Variants in FAM107B observed in about 807,000 individuals in gnomAD.
The protein encoded by FAM107B is family with sequence similarity 107 member B.
Under a neutral mutation model 31.5 loss-of-function variants are expected in FAM107B, and 21 were observed. That is an observed-to-expected ratio of 0.67 (90% CI 0.47 to 0.96). The LOEUF is 0.96. Among genes scored for constraint, FAM107B ranks in the 40% least tolerant of loss-of-function variants. The pLI is 0.00. For missense variants in FAM107B, 452 were observed against 377.1 expected, an observed-to-expected ratio of 1.20 and a Z score of -1.64; for synonymous variants, 157 against 141.5, an observed-to-expected ratio of 1.11 and a Z score of -0.78.
At chr10:14,694,231 T>C (rs2266374) in intron 1 of FAM107B, among the ~76,000 whole-genome samples, 124,185 of 152,180 alleles carry the variant, frequency 0.82, 50,933 homozygotes, top group African/African-American at 0.88. Flanking sequence ...TGGATATATG[T>C]CTAACAGAGG....
At chr10:14,583,086 CAAAAAAA>C (rs60205603) in intron 2 of FAM107B, among the ~76,000 whole-genome samples, 1 of 56,358 alleles carries the variant, frequency 1.8e-5, no homozygotes, top group African/African-American at 6.3e-5. Context: ...GACTCTGTCT[CAAAAAAA>C]AAAAAAAAAA....
At chr10:14,751,806 G>T (rs1166593948) in intron 1 of FAM107B, among the ~76,000 whole-genome samples, 1 of 152,132 alleles carries the variant, frequency 6.6e-6, no homozygotes, top group African/African-American at 2.4e-5. Flanking sequence ...GAAGTGCCAG[G>T]CTGCTGAGAG....
intron 2 of FAM107B, among the ~76,000 whole-genome samples, chr10:14,624,261 A>G (rs1381348274): frequency 6.6e-6 from 1 of 152,232 alleles, no homozygotes; most frequent in Non-Finnish European, 1.5e-5. Context: ...AGACGTGAGA[A>G]GTGTGGAAGC....
chr10:14,726,990 T>A (rs998644342), intron 1 of FAM107B, among the ~76,000 whole-genome samples: 1 of 151,772 alleles, frequency 6.6e-6, no homozygotes, highest in African/African-American at 2.4e-5. Context: ...ATGGTCCCAT[T>A]TGGGGGTGAT....
chr10:14,521,854 G>T lies in FAM107B; in HGVS notation c.804+15C>A, dbSNP rs1291300554. 2 of 1,607,382 alleles carry T rather than the reference G, an allele frequency of 1.2e-6. No homozygotes were observed. Among genetic ancestry groups the T allele is most frequent in the African/African-American group, 2.7e-5 (2 of 74,190 alleles). Reference sequence around the variant, plus strand: ...CAAAAACAAAAAAAGACAGCTTCCAGCCAATCCCCCTTACCTGCTCCAACT... The same window carrying T: ...CAAAAACAAAAAAAGACAGCTTCCATCCAATCCCCCTTACCTGCTCCAACT... On this transcript the variant is annotated intron_variant, in intron 4 of 4. Transcript: ENST00000181796.
intron 2 of FAM107B, among the ~76,000 whole-genome samples, chr10:14,535,132 A>T (rs1220899843): frequency 1.3e-5 from 2 of 152,222 alleles, no homozygotes; most frequent in Non-Finnish European, 2.9e-5. Context: ...CACAAAGATA[A>T]TCTTGTCACA....
chr10:14,725,204 G>A (rs1035931809), intron 1 of FAM107B, among the ~76,000 whole-genome samples: 4 of 152,172 alleles, frequency 2.6e-5, no homozygotes, highest in Admixed American at 2.0e-4. Flanking sequence ...AGGCTTGTGC[G>A]GCTGGCTTAT....
At position 14,676,192 on chromosome 10, in the gene FAM107B, T is replaced by C. The variant is rs981786978; in HGVS notation, c.412-8501A>G. 4.6e-5 allele frequency among the ~76,000 whole-genome samples: 7 copies of C among 152,212 alleles called. No individual in the cohort carries two copies. The South Asian group carries it at 6.2e-4, about 14-fold the overall frequency. ...AAACAAAACAAAACAAAAAAACTTA[T>C]GTAGCAGCAGCATCTAATTACACAT... On this transcript the variant is annotated intron_variant, in intron 1 of 4. Coordinates refer to ENST00000181796, the MANE Select transcript of FAM107B (RefSeq NM_031453.4).
chr10:14,738,084 C>T (rs1029620376), intron 1 of FAM107B, among the ~76,000 whole-genome samples: 5 of 152,122 alleles, frequency 3.3e-5, no homozygotes, highest in Admixed American at 6.6e-5. Flanking sequence ...TATATTTACA[C>T]GTACAAATGT....
intron 2 of FAM107B, among the ~76,000 whole-genome samples, chr10:14,534,471 T>TGGAAAATACAACTCTGGTATAA (rs753997570): frequency 7.9e-5 from 12 of 152,162 alleles, no homozygotes; most frequent in Non-Finnish European, 1.3e-4. Flanking sequence ...CTACCAACGC[T>TGGAAAATACAACTCTGGTATAA]GGAAAATACA....
At chr10:14,526,201 T>C (rs965875717) in intron 3 of FAM107B, among the ~76,000 whole-genome samples, 7 of 152,122 alleles carry the variant, frequency 4.6e-5, no homozygotes, top group African/African-American at 1.4e-4. Context: ...GGGGACAGAG[T>C]CTCGCTCTAT....
intron 2 of FAM107B, among the ~76,000 whole-genome samples, chr10:14,625,025 G>C (rs921886930): frequency 6.6e-6 from 1 of 152,076 alleles, no homozygotes; most frequent in Non-Finnish European, 1.5e-5. Flanking sequence ...AGGAGTTTGA[G>C]ACCAGCCTGG....
At chr10:14,530,878 G>A (rs904474520) in intron 2 of FAM107B, among the ~76,000 whole-genome samples, 7 of 152,200 alleles carry the variant, frequency 4.6e-5, no homozygotes, top group Non-Finnish European at 1.0e-4. Flanking sequence ...AAGTTCAAAT[G>A]AAAATTGGAA....
At chr10:14,666,750 G>A (rs1474186391) in intron 2 of FAM107B, among the ~76,000 whole-genome samples, 2 of 152,166 alleles carry the variant, frequency 1.3e-5, no homozygotes, top group Non-Finnish European at 2.9e-5. Flanking sequence ...GGGGTACAGG[G>A]AACTTGGGAG....
chr10:14,717,355 A>T (rs970913694), intron 1 of FAM107B, among the ~76,000 whole-genome samples: 6 of 152,084 alleles, frequency 3.9e-5, no homozygotes, highest in Admixed American at 6.6e-5. Flanking sequence ...GGCTCACAGG[A>T]TTGCAAGGTG....
intron 2 of FAM107B, among the ~76,000 whole-genome samples, chr10:14,629,412 AT>A (rs1277692733): frequency 0.046 from 41 of 900 alleles, 4 homozygotes; most frequent in Non-Finnish European, 0.17. Context: ...TATATTTAAT[AT>A]ATATAATATA....
At chr10:14,672,569 T>C (rs1245009736) in intron 1 of FAM107B, among the ~76,000 whole-genome samples, 1 of 152,204 alleles carries the variant, frequency 6.6e-6, no homozygotes. Flanking sequence ...AAAAAGATAG[T>C]TTATAACCTG....
chr10:14,626,832 C>CT (rs1348676508), intron 2 of FAM107B, among the ~76,000 whole-genome samples: 1 of 152,134 alleles, frequency 6.6e-6, no homozygotes, highest in Non-Finnish European at 1.5e-5. Flanking sequence ...CAGCAAAGCT[C>CT]TTTGGCCTTG....
intron 2 of FAM107B, among the ~76,000 whole-genome samples, chr10:14,594,348 T>A (rs1388748300): frequency 6.6e-6 from 1 of 151,760 alleles, no homozygotes; most frequent in Non-Finnish European, 1.5e-5. Context: ...CTACAAAATA[T>A]AAAATTTAAA....
Sources: gnomAD v4.1 joint callset for allele counts (sites outside exome capture counted in the v4.1 genomes callset) on GRCh38, gnomAD v4.1.1 for gene constraint, MANE v1.5 for transcripts, NCBI Gene and HGNC (gene_info 2026-07-23, HGNC 2026-07-21) for gene names.